KCNMA1: variants seen among roughly 807,000 people sequenced by gnomAD.
KCNMA1 encodes Calcium-activated potassium channel subunit alpha-1.
A neutral mutation model predicts 140.0 loss-of-function variants in KCNMA1; 29 were observed. That is an observed-to-expected ratio of 0.21 (90% CI 0.15 to 0.28). The LOEUF is 0.28. KCNMA1 is among the 10% of genes least tolerant of loss of function. KCNMA1 has a pLI of 1.00. For missense variants in KCNMA1, 880 were observed against 1,602.2 expected (o/e 0.55, Z 7.70); for synonymous variants, 612 against 611.9 (o/e 1.00, Z 0.00).
chr10:77,585,244 G>C (rs2076953871), intron 1 of KCNMA1, among the ~76,000 whole-genome samples: 1 of 152,136 alleles, frequency 6.6e-6, no homozygotes, highest in Admixed American at 6.6e-5. Context: ...AGTCAGACTG[G>C]CTGGGGTGAG....
intron 1 of KCNMA1, among the ~76,000 whole-genome samples, chr10:77,407,302 C>G (rs1008560209): frequency 6.6e-6 from 1 of 152,160 alleles, no homozygotes; most frequent in Non-Finnish European, 1.5e-5. Context: ...CCACCACTGA[C>G]TTCACTCTGG....
rs966604893 is a variant in KCNMA1 at position 77,215,902 on chromosome 10, C to T, written c.603-30986G>A. On this transcript the variant is annotated intron_variant, in intron 3 of 27. Transcript: ENST00000286628. ...TGTCTCTCTCTCTCTCCTCTCTCCT[C>T]TCTCCTCTCTCTCTCTCTCTCTCTC... Among the ~76,000 whole-genome samples the T allele has an allele frequency of 8.6e-5, 13 of 150,660 alleles. No homozygotes were observed. In the South Asian group the frequency reaches 2.3e-3, roughly 27 times the overall value.
chr10:77,508,731 T>C (rs2154547803), intron 1 of KCNMA1, among the ~76,000 whole-genome samples: 1 of 152,118 alleles, frequency 6.6e-6, no homozygotes, highest in South Asian at 2.1e-4. Flanking sequence ...GTGGTGCAAC[T>C]ATCATCACCA....
chr10:76,907,563 G>C (rs2048301842), intron 25 of KCNMA1, among the ~76,000 whole-genome samples: 1 of 152,006 alleles, frequency 6.6e-6, no homozygotes, highest in African/African-American at 2.4e-5. Context: ...TTTTGAGACA[G>C]GGTCTCATTC....
At chr10:77,215,034 T>C (rs1179751910) in intron 3 of KCNMA1, among the ~76,000 whole-genome samples, 1 of 152,148 alleles carries the variant, frequency 6.6e-6, no homozygotes, top group African/African-American at 2.4e-5. Context: ...TTTGACATCT[T>C]CTCTTTCAGG....
At chr10:77,407,166 T>C (rs1460723031) in intron 1 of KCNMA1, among the ~76,000 whole-genome samples, 2 of 152,322 alleles carry the variant, frequency 1.3e-5, no homozygotes, top group Non-Finnish European at 2.9e-5. Context: ...GTGAGCTTAA[T>C]TACCATGTGT....
At chr10:76,953,336 T>A (rs1302590527) in intron 21 of KCNMA1, among the ~76,000 whole-genome samples, 1 of 152,210 alleles carries the variant, frequency 6.6e-6, no homozygotes, top group Non-Finnish European at 1.5e-5. Context: ...ATAGTAAGAA[T>A]AAGAGGTAAC....
intron 15 of KCNMA1, among the ~76,000 whole-genome samples, chr10:77,036,060 AT>A (rs1301347121): frequency 6.6e-6 from 1 of 152,200 alleles, no homozygotes; most frequent in Non-Finnish European, 1.5e-5. Flanking sequence ...CATGGCTAGG[AT>A]AATGCAGGCA....
At chr10:76,929,352 T>C (rs1002202841) in intron 23 of KCNMA1, among the ~76,000 whole-genome samples, 1 of 152,178 alleles carries the variant, frequency 6.6e-6, no homozygotes, top group Non-Finnish European at 1.5e-5. Flanking sequence ...GATTAGGTAT[T>C]CAAAGAATTG....
intron 5 of KCNMA1, among the ~76,000 whole-genome samples, chr10:77,173,528 A>C (rs902430245): frequency 2.0e-5 from 3 of 152,218 alleles, no homozygotes; most frequent in East Asian, 1.9e-4. Flanking sequence ...ACATATATGT[A>C]ATATGTGTAA....
intron 2 of KCNMA1, among the ~76,000 whole-genome samples, chr10:77,294,656 C>T (rs932535909): frequency 4.6e-5 from 7 of 152,210 alleles, no homozygotes; most frequent in Non-Finnish European, 7.3e-5. Flanking sequence ...CAGTGACTCA[C>T]GCCTGTAATC....
intron 3 of KCNMA1, among the ~76,000 whole-genome samples, chr10:77,213,650 T>C (rs1322729888): frequency 6.6e-6 from 1 of 152,046 alleles, no homozygotes; most frequent in Admixed American, 6.6e-5. Flanking sequence ...CCAACTCCAG[T>C]CATCTTAATC....
intron 16 of KCNMA1, chr10:77,025,541 C>T: frequency 3.5e-6 from 4 of 1,154,344 alleles, no homozygotes; most frequent in South Asian, 1.3e-5. Context: ...GGAATAAAAC[C>T]TTTGTTTCAA....
At chr10:77,562,455 A>G (rs939502464) in intron 1 of KCNMA1, among the ~76,000 whole-genome samples, 2 of 152,238 alleles carry the variant, frequency 1.3e-5, no homozygotes, top group African/African-American at 4.8e-5. Context: ...CAGTTTCTTC[A>G]TACCTTAATA....
intron 18 of KCNMA1, among the ~76,000 whole-genome samples, chr10:77,004,517 A>G (rs902549296): frequency 6.6e-6 from 1 of 152,202 alleles, no homozygotes; most frequent in Non-Finnish European, 1.5e-5. Flanking sequence ...TCAGGCTTGA[A>G]GGATATGAGT....
At chr10:76,875,348 T>C (rs1231669050), downstream of KCNMA1, 1 of 152,128 alleles carries the variant, frequency 6.6e-6, no homozygotes, top group East Asian at 1.9e-4. Context: ...TTTGGTTTTT[T>C]TGGGGGGGAG....
chr10:76,876,137 A>G (rs548053449), downstream of KCNMA1: 2 of 152,672 alleles, frequency 1.3e-5, no homozygotes, highest in Non-Finnish European at 1.5e-5. Context: ...TGTCTTCATG[A>G]TGATCTCATT....
intron 1 of KCNMA1, among the ~76,000 whole-genome samples, chr10:77,413,292 G>C (rs538182494): frequency 6.6e-6 from 1 of 152,038 alleles, no homozygotes. Flanking sequence ...GTCCCTCCCC[G>C]CGGGCTGCTC....
At chr10:77,428,667 T>G (rs1339906064) in intron 1 of KCNMA1, among the ~76,000 whole-genome samples, 1 of 152,100 alleles carries the variant, frequency 6.6e-6, no homozygotes, top group Non-Finnish European at 1.5e-5. Context: ...CAGCCTGTAA[T>G]GGAATTTCCA....
Sources: gnomAD v4.1 joint callset for allele counts (sites outside exome capture counted in the v4.1 genomes callset) on GRCh38, gnomAD v4.1.1 for gene constraint, MANE v1.5 for transcripts, NCBI Gene and HGNC (gene_info 2026-07-23, HGNC 2026-07-21) for gene names.